Variants in EWSR1 observed in about 807,000 individuals in gnomAD.
The protein encoded by EWSR1 is RNA-binding protein EWS.
Under a neutral mutation model 92.1 loss-of-function variants are expected in EWSR1, and 14 were observed. The observed-to-expected ratio is 0.15, with a 90% CI of 0.10 to 0.24. The LOEUF is 0.24. Ranked by LOEUF, EWSR1 falls within the 10% of genes least tolerant of loss-of-function variation. EWSR1 has a pLI of 1.00. For missense variants in EWSR1, 637 were observed against 870.9 expected, an observed-to-expected ratio of 0.73 and a Z score of 3.38; for synonymous variants, 303 against 292.9, an observed-to-expected ratio of 1.03 and a Z score of -0.35.
At chr22:29,280,754 G>A (rs1172653512) in intron 5 of EWSR1, among the ~76,000 whole-genome samples, 13 of 150,066 alleles carry the variant, frequency 8.7e-5, no homozygotes, top group African/African-American at 2.7e-4. Flanking sequence ...GCTCGCTGGA[G>A]CCTCCGCCTC....
At chr22:29,283,791 C>G (rs1044054055) in intron 6 of EWSR1, among the ~76,000 whole-genome samples, 2 of 150,748 alleles carry the variant, frequency 1.3e-5, no homozygotes, top group African/African-American at 5.0e-5. Flanking sequence ...GCCTCCACCT[C>G]CCAAAGTGCT....
chr22:29,282,507 G>C lies in EWSR1; in HGVS notation c.531G>C (p.Gly177=). 6.4e-7 allele frequency: 1 copy of C among 1,557,216 alleles called. No individual in the cohort carries two copies. The highest frequency in any genetic ancestry group is 8.6e-7 in the Non-Finnish European group (1 of 1,158,628). ...ACTACAGTTATCCCCAGGTACCTGG[G>C]AGCTACCCCATGCAGCCAGTCACTG... ...QSNYSYPQVP[G]SYPMQPVTAP... Residue 177 remains glycine (G), a synonymous_variant, in exon 6 of 17, where the codon GGG becomes GGC. Coordinates refer to ENST00000397938, the MANE Select transcript of EWSR1 (RefSeq NM_005243.4).
chr22:29,286,712 A>ATT (rs1424587656), intron 6 of EWSR1, among the ~76,000 whole-genome samples: 1,626 of 121,380 alleles, frequency 0.013, 47 homozygotes, highest in African/African-American at 0.044. Context: ...AAAAAAAAAA[A>ATT]TTTTTTTGTT....
At position 29,298,672 on chromosome 22, in the gene EWSR1, C is replaced by T; in HGVS notation, c.1418-61C>T. 2.5e-6 allele frequency: 4 copies of T among 1,594,908 alleles called. No individual in the cohort carries two copies. The South Asian group carries it at 3.3e-5, about 13-fold the overall frequency. ...TGGGTTTACTTAGTGATTTTTATTT[C>T]CTATAGCAAATTTGGTGCTACAGAG... On this transcript the variant is annotated intron_variant, in intron 13 of 16. Transcript: ENST00000397938.
chr22:29,285,547 A>G (rs1202794920), intron 6 of EWSR1, among the ~76,000 whole-genome samples: 2 of 151,448 alleles, frequency 1.3e-5, no homozygotes, highest in Admixed American at 6.5e-5. Context: ...TCCTCTATTA[A>G]TACTCAGATT....
In EWSR1 at chr22:29,287,247, G is replaced by GGCA. The variant is rs1018314382; in HGVS notation, c.793+115_793+116insAGC. ...TTTTGAGATGGAGTTTCACTCTTGG[G>GGCA]GCTGAGGCTGGAGTACAGTGGTGCC... On this transcript the variant is annotated intron_variant, in intron 7 of 16. Coordinates refer to ENST00000397938, the MANE Select transcript of EWSR1 (RefSeq NM_005243.4). 4 of 1,056,260 alleles carry GGCA rather than the reference G, an allele frequency of 3.8e-6. No individual in the cohort carries two copies. In the African/African-American group the frequency reaches 6.3e-5, roughly 17 times the overall value. 65.4% of individuals were successfully genotyped at this position (1,056,260 alleles called of 1,614,324 possible). A position where few individuals can be genotyped will look rare whatever the true frequency, so the allele number is the denominator to read the frequency against.
At chr22:29,283,680 C>T (rs1229683113) in intron 6 of EWSR1, among the ~76,000 whole-genome samples, 1 of 139,578 alleles carries the variant, frequency 7.2e-6, no homozygotes, top group African/African-American at 2.8e-5. Context: ...TGCTCACTAC[C>T]ACACCTGGCA....
chr22:29,295,825 A>G (rs1479683348), intron 11 of EWSR1: 1 of 229,124 alleles, frequency 4.4e-6, no homozygotes, highest in Non-Finnish European at 8.7e-6. Context: ...CCTGTAGTTC[A>G]CTCACAGCCT....
rs374977676 is a variant in EWSR1 at position 29,269,218 on chromosome 22, C to T, written c.13+869C>T. Reference sequence around the variant, plus strand: ...ACCTAGGAGGAACAAAAGGCCGAGCCTTCATTTGAATTATGTTTCAGCAGT... The same window carrying T: ...ACCTAGGAGGAACAAAAGGCCGAGCTTTCATTTGAATTATGTTTCAGCAGT... On this transcript the variant is annotated intron_variant, in intron 1 of 16. Transcript: ENST00000397938. 4.6e-5 allele frequency: 7 copies of T among 152,210 alleles called. No individual in the cohort carries two copies. The East Asian group carries it at 9.6e-4, about 21-fold the overall frequency. 9.4% of individuals were successfully genotyped at this position (152,210 alleles called of 1,614,324 possible). A position where few individuals can be genotyped will look rare whatever the true frequency, so the allele number is the denominator to read the frequency against.
chr22:29,295,966 C>T (rs905860595), intron 11 of EWSR1: 14 of 372,448 alleles, frequency 3.8e-5, no homozygotes, highest in Middle Eastern at 7.6e-4. Flanking sequence ...TAGAAAATGC[C>T]AGGGCAGGCA....
intron 6 of EWSR1, 31 bp from the exon 7 acceptor site, chr22:29,286,892 C>CTTTTTT: frequency 1.7e-6 from 2 of 1,210,408 alleles, no homozygotes; most frequent in Non-Finnish European, 1.2e-6. Flanking sequence ...TCTAAAAAAG[C>CTTTTTT]TTTTTTTTTT....
intron 5 of EWSR1, 43 bp from the exon 6 acceptor site, chr22:29,282,347 A>G: frequency 6.7e-7 from 1 of 1,499,344 alleles, no homozygotes; most frequent in East Asian, 2.6e-5. Flanking sequence ...CAACCACACA[A>G]AAAAAGTCAC....
chr22:29,289,627 TAAAG>T (rs1342482745), intron 8 of EWSR1: 1 of 231,270 alleles, frequency 4.3e-6, no homozygotes, highest in African/African-American at 2.2e-5. Flanking sequence ...TATAAACTGG[TAAAG>T]AAAAAAAAAA....
chr22:29,277,392 C>G (rs2059204923), intron 4 of EWSR1: 1 of 221,854 alleles, frequency 4.5e-6, no homozygotes, highest in Admixed American at 5.7e-5. Context: ...AAATAATTTA[C>G]AAAAAAAGGA....
At chr22:29,297,708 G>A (rs2060976257) in intron 12 of EWSR1, 119 bp from the exon 13 acceptor site, 1 of 1,361,812 alleles carries the variant, frequency 7.3e-7, no homozygotes. Context: ...TGTCATTAAA[G>A]ATCTTAGAGA....
intron 7 of EWSR1, among the ~76,000 whole-genome samples, chr22:29,287,796 T>A (rs1249130317): frequency 1.3e-5 from 2 of 152,142 alleles, no homozygotes; most frequent in Non-Finnish European, 2.9e-5. Flanking sequence ...TAATGTAAAG[T>A]GGGGAGGCAG....
intron 5 of EWSR1, among the ~76,000 whole-genome samples, chr22:29,281,419 C>G (rs1389245025): frequency 6.6e-6 from 1 of 152,016 alleles, no homozygotes; most frequent in Admixed American, 6.5e-5. Context: ...TCCCTCCCAC[C>G]TCAGTCTTCC....
In EWSR1 at chr22:29,299,892, G is replaced by A. The variant is rs760357846; in HGVS notation, c.1931+41G>A. 4.6e-6 allele frequency: 7 copies of A among 1,533,308 alleles called. No homozygotes were observed. The African/African-American group carries it at 8.3e-5, about 18-fold the overall frequency. The allele number at this position is 1,533,308 out of a possible 1,614,324, so 95.0% of individuals were successfully genotyped here. Reference sequence around the variant, plus strand: ...AAGCAGCTGTGGGCCGCCAGGCACAGTAAGAGGACAGCCCTTCCCAGCTTG... The same window carrying A: ...AAGCAGCTGTGGGCCGCCAGGCACAATAAGAGGACAGCCCTTCCCAGCTTG... On this transcript the variant is annotated intron_variant, in intron 16 of 16. Coordinates refer to ENST00000397938, the MANE Select transcript of EWSR1 (RefSeq NM_005243.4).
At chr22:29,272,309 A>C in intron 2 of EWSR1, 57 bp downstream of exon 2, 2 of 1,610,556 alleles carry the variant, frequency 1.2e-6, no homozygotes, top group South Asian at 2.2e-5. Flanking sequence ...TTGAATATGG[A>C]GCCTTCTATA....
Sources: gnomAD v4.1 joint callset for allele counts (sites outside exome capture counted in the v4.1 genomes callset) on GRCh38, gnomAD v4.1.1 for gene constraint, MANE v1.5 for transcripts, NCBI Gene and HGNC (gene_info 2026-07-23, HGNC 2026-07-21) for gene names.